The following CYP7B1 variants were observed in gnomAD, a reference collection of about 807,000 sequenced individuals.
The protein encoded by CYP7B1 is cytochrome P450 family 7 subfamily B member 1, also known as cytochrome P450 7B1.
Under a neutral mutation model 42.7 loss-of-function variants are expected in CYP7B1, and 29 were observed. The observed-to-expected ratio is 0.68, with a 90% CI of 0.51 to 0.93. The LOEUF is 0.93. Among genes scored for constraint, CYP7B1 ranks in the 40% least tolerant of loss-of-function variants. The pLI is 0.00. For synonymous variants in CYP7B1, 235 were observed against 218.2 expected, an observed-to-expected ratio of 1.08 and a Z score of -0.68; for missense variants, 655 against 600.5, an observed-to-expected ratio of 1.09 and a Z score of -0.95.
intron 1 of CYP7B1, among the ~76,000 whole-genome samples, chr8:64,659,560 T>C (rs532360388): frequency 6.6e-6 from 1 of 152,344 alleles, no homozygotes; most frequent in East Asian, 1.9e-4. Context: ...TTCCTATTGA[T>C]ACATACTTAG....
At chr8:64,746,039 A>C (rs1807639263) in intron 1 of CYP7B1, among the ~76,000 whole-genome samples, 1 of 151,968 alleles carries the variant, frequency 6.6e-6, no homozygotes, top group Non-Finnish European at 1.5e-5. Context: ...TTAAAGGATA[A>C]TTTTTTCCAC....
chr8:64,707,377 A>G (rs1807015452), intron 1 of CYP7B1, among the ~76,000 whole-genome samples: 1 of 152,108 alleles, frequency 6.6e-6, no homozygotes, highest in African/African-American at 2.4e-5. Flanking sequence ...GTTCTTTCAT[A>G]GTCATAGTAT....
chr8:64,778,944 G>T (rs34204608), intron 1 of CYP7B1, among the ~76,000 whole-genome samples: 16,106 of 152,148 alleles, frequency 0.11, 1,138 homozygotes, highest in Non-Finnish European at 0.16. Flanking sequence ...ACCGTCAAGT[G>T]TGGCTTTCAC....
At chr8:64,618,638 C>T (rs1805484288) in intron 2 of CYP7B1, among the ~76,000 whole-genome samples, 1 of 151,528 alleles carries the variant, frequency 6.6e-6, no homozygotes, top group South Asian at 2.1e-4. Context: ...ATTTCCTCCT[C>T]TCTCCTATCC....
intron 1 of CYP7B1, among the ~76,000 whole-genome samples, chr8:64,668,708 C>A (rs1204855545): frequency 2.3e-5 from 3 of 132,874 alleles, no homozygotes; most frequent in African/African-American, 5.6e-5. Context: ...CTCTATTAAA[C>A]TGAGAAGCAT....
chr8:64,604,403 C>T (rs999730512), intron 5 of CYP7B1, among the ~76,000 whole-genome samples: 5 of 152,168 alleles, frequency 3.3e-5, no homozygotes, highest in African/African-American at 7.2e-5. Context: ...TTGGCCAAAA[C>T]GTAATAGTGG....
chr8:64,626,379 G>T (rs1805610995), intron 1 of CYP7B1, among the ~76,000 whole-genome samples: 1 of 152,116 alleles, frequency 6.6e-6, no homozygotes, highest in African/African-American at 2.4e-5. Context: ...CCAGAGTAAA[G>T]CTCTTTGTTA....
intron 1 of CYP7B1, among the ~76,000 whole-genome samples, chr8:64,748,908 T>C (rs1456350848): frequency 6.6e-6 from 1 of 152,082 alleles, no homozygotes; most frequent in Admixed American, 6.6e-5. Flanking sequence ...AGAGCTGTAG[T>C]CTACAGCTAG....
chr8:64,777,284 A>C (rs1441741756), intron 1 of CYP7B1, among the ~76,000 whole-genome samples: 1 of 152,028 alleles, frequency 6.6e-6, no homozygotes, highest in Non-Finnish European at 1.5e-5. Context: ...TAACATGAGC[A>C]CTATTTACAG....
At chr8:64,719,367 T>C (rs1162945178) in intron 1 of CYP7B1, among the ~76,000 whole-genome samples, 2 of 152,182 alleles carry the variant, frequency 1.3e-5, no homozygotes, top group East Asian at 3.9e-4. Context: ...CAGCGATTCA[T>C]GTATTATTAA....
chr8:64,618,570 T>TTCTCTCTCTCTCTCTCTCTCTCTC (rs10530120), intron 2 of CYP7B1, among the ~76,000 whole-genome samples: 31 of 146,242 alleles, frequency 2.1e-4, no homozygotes, highest in African/African-American at 7.1e-4. Flanking sequence ...CACATTCATT[T>TTCTCTCTCTCTCTCTCTCTCTCTC]TCTCTCTCTC....
intron 1 of CYP7B1, among the ~76,000 whole-genome samples, chr8:64,660,720 T>C (rs2129631412): frequency 6.6e-6 from 1 of 152,226 alleles, no homozygotes; most frequent in South Asian, 2.1e-4. Context: ...AGCAAGCCAA[T>C]AAGTCTAGCC....
intron 1 of CYP7B1, among the ~76,000 whole-genome samples, chr8:64,794,668 C>T (rs1804677518): frequency 6.6e-6 from 1 of 152,112 alleles, no homozygotes; most frequent in South Asian, 2.1e-4. Context: ...CCAAAGACCC[C>T]ACTGCTTAAT....
chr8:64,632,020 A>C (rs28848026), intron 1 of CYP7B1, among the ~76,000 whole-genome samples: 3,315 of 152,268 alleles, frequency 0.022, 115 homozygotes, highest in African/African-American at 0.076. Context: ...CTTCTTCAAG[A>C]AATTAAAAAT....
chr8:64,626,322 AG>A lies in CYP7B1; in HGVS notation c.123-1784del, dbSNP rs1383079078. 2.6e-5 allele frequency among the ~76,000 whole-genome samples: 4 copies of A among 152,304 alleles called. No individual in the cohort carries two copies. In the South Asian group the frequency reaches 8.3e-4, roughly 32 times the overall value. ...GACAGACATTGTGTGTGTGAACCTG[AG>A]GGCTCTTGCTGTGCCCTGGGTTTTA... On this transcript the variant is annotated intron_variant, in intron 1 of 5. Transcript: ENST00000310193.
At position 64,762,151 on chromosome 8, in the gene CYP7B1, A is replaced by G. The variant is rs1434668335; in HGVS notation, c.122+36315T>C. Among the ~76,000 whole-genome samples the G allele has an allele frequency of 6.6e-5, 10 of 152,326 alleles. No homozygotes were observed. The East Asian group carries it at 1.7e-3, about 26-fold the overall frequency. Reference sequence around the variant, plus strand: ...CCTAATTAGAGCCCAAAAACCTACTATAGTAGCTTTTTTTAGTGCACTAAT... The same window carrying G: ...CCTAATTAGAGCCCAAAAACCTACTGTAGTAGCTTTTTTTAGTGCACTAAT... On this transcript the variant is annotated intron_variant, in intron 1 of 5. Transcript: ENST00000310193.
intron 1 of CYP7B1, among the ~76,000 whole-genome samples, chr8:64,667,677 T>C (rs1267263121): frequency 1.3e-5 from 2 of 152,204 alleles, no homozygotes; most frequent in Non-Finnish European, 2.9e-5. Flanking sequence ...CTTGCCATTA[T>C]GGAATGAATT....
intron 5 of CYP7B1, among the ~76,000 whole-genome samples, chr8:64,600,327 A>G (rs1030457181): frequency 1.3e-5 from 2 of 152,158 alleles, no homozygotes; most frequent in Non-Finnish European, 2.9e-5. Context: ...AGTTCAACAG[A>G]TTTTTTTGGA....
intron 1 of CYP7B1, among the ~76,000 whole-genome samples, chr8:64,690,604 AT>A (rs1455229129): frequency 6.6e-6 from 1 of 152,216 alleles, no homozygotes; most frequent in Admixed American, 6.5e-5. Flanking sequence ...AAACTTATGT[AT>A]TATTCTTTTT....
Sources: gnomAD v4.1 joint callset for allele counts (sites outside exome capture counted in the v4.1 genomes callset) on GRCh38, gnomAD v4.1.1 for gene constraint, MANE v1.5 for transcripts, NCBI Gene and HGNC (gene_info 2026-07-23, HGNC 2026-07-21) for gene names.